The following SRPRA variants were observed in gnomAD, a reference collection of about 807,000 sequenced individuals.
SRPRA encodes the protein SRP receptor subunit alpha, also known as signal recognition particle receptor subunit alpha.
SRPRA carries 30 observed loss-of-function variants against 61.1 expected under a neutral mutation model. That is an observed-to-expected ratio of 0.49 (90% CI 0.37 to 0.67). The LOEUF is 0.67. Ranked by LOEUF, SRPRA falls within the 30% of genes least tolerant of loss-of-function variation. SRPRA has a pLI of 0.00. For synonymous variants in SRPRA, 324 were observed against 299.7 expected, an observed-to-expected ratio of 1.08 and a Z score of -0.84; for missense variants, 759 against 828.4, an observed-to-expected ratio of 0.92 and a Z score of 1.03.
chr11:126,245,534 A>T, the SRPRA span, among the ~76,000 whole-genome samples: 3 of 152,058 alleles, frequency 2.0e-5, no homozygotes, highest in Non-Finnish European at 4.4e-5. Context: ...TGTCATCAAG[A>T]AAGTGAAAAC....
chr11:126,262,650 G>A (rs1407337926), downstream of SRPRA: 1 of 152,960 alleles, frequency 6.5e-6, no homozygotes, highest in East Asian at 1.9e-4. Flanking sequence ...TCATTTACTT[G>A]CCAGGACCCT....
downstream of SRPRA, among the ~76,000 whole-genome samples, chr11:126,259,088 G>GT (rs1438448079): frequency 6.6e-6 from 1 of 152,206 alleles, no homozygotes; most frequent in East Asian, 1.9e-4. Context: ...GGTCAGCTGA[G>GT]TTTGTCATGT....
intron 1 of SRPRA, among the ~76,000 whole-genome samples, chr11:126,268,437 TAGAG>T (rs1472778736): frequency 2.0e-5 from 3 of 152,178 alleles, no homozygotes; most frequent in Middle Eastern, 3.4e-3. Flanking sequence ...TGGGGATAAA[TAGAG>T]GGAGCGGAGG....
chr11:126,261,580 C>T (rs138057573), downstream of SRPRA: 94 of 991,344 alleles, frequency 9.5e-5, no homozygotes, highest in African/African-American at 1.3e-3. Context: ...TTGGACCTCA[C>T]ATTGCCAAAT....
the SRPRA span, among the ~76,000 whole-genome samples, chr11:126,246,397 A>G: frequency 6.6e-6 from 1 of 152,206 alleles, no homozygotes; most frequent in South Asian, 2.1e-4. Context: ...TTTTGGAATC[A>G]GACTCTGCCA....
rs910552738 is a variant in SRPRA, at chr11:126,263,076, A to G, written c.*840T>C. ...ACAAGAGGTTTGTGTTCTTCAATGT[A>G]GCACTTGTCTACCAGGCACTGTAGA... is the stretch of plus-strand genomic sequence containing the variant. On this transcript the variant is annotated 3_prime_UTR_variant, in exon 14 of 14. Coordinates refer to ENST00000332118, the MANE Select transcript of SRPRA (RefSeq NM_003139.4). 2 of 152,678 alleles carry G rather than the reference A, an allele frequency of 1.3e-5. No individual in the cohort carries two copies. Among genetic ancestry groups the G allele is most frequent in the African/African-American group, 4.8e-5 (2 of 41,468 alleles). The allele number at this position is 152,678 out of a possible 1,614,324, so 9.5% of individuals were successfully genotyped here. A position where few individuals can be genotyped will look rare whatever the true frequency, so the allele number is the denominator to read the frequency against.
chr11:126,257,627 G>A, the SRPRA span, among the ~76,000 whole-genome samples: 3 of 145,718 alleles, frequency 2.1e-5, no homozygotes, highest in Non-Finnish European at 4.5e-5. Flanking sequence ...TTTTTGGTGC[G>A]TGTAGAAATG....
At chr11:126,250,233 A>G in the SRPRA span, among the ~76,000 whole-genome samples, 3 of 151,916 alleles carry the variant, frequency 2.0e-5, no homozygotes, top group East Asian at 3.9e-4. The surrounding 1 kb of genome is among the most constrained non-coding windows in gnomAD (Gnocchi z 5.1). Context: ...CTGGGACTAC[A>G]GGCGCCTGTC....
the SRPRA span, chr11:126,250,731 A>C: frequency 6.2e-7 from 1 of 1,607,322 alleles, no homozygotes; most frequent in African/African-American, 1.3e-5. The surrounding 1 kb of genome is among the most constrained non-coding windows in gnomAD (Gnocchi z 5.1). Context: ...TGATGAGAAA[A>C]AGGTAAAAAG....
Position 126,267,122 on chromosome 11 carries a change from G to A in SRPRA, c.526+53C>T, listed in dbSNP as rs1235129961. ...AAAGGAAGGACCACCTCAGTCCTTA[G>A]CACCGTGTTAACACCTTTCATGTCC... On this transcript the variant is annotated intron_variant, in intron 4 of 13. Transcript: ENST00000332118. This position sits in a 1 kb window ranked among gnomAD's most constrained non-coding sequence, Gnocchi z 4.2. 1.9e-6 allele frequency: 3 copies of A among 1,606,194 alleles called. No individual in the cohort carries two copies. The highest frequency in any genetic ancestry group is 2.7e-5 in the African/African-American group (2 of 74,518).
chr11:126,236,556 G>A, the SRPRA span, among the ~76,000 whole-genome samples: 2 of 152,112 alleles, frequency 1.3e-5, no homozygotes, highest in Non-Finnish European at 2.9e-5. Context: ...ATTTCACAGT[G>A]ATGTATCTTG....
rs774635643 is a variant in SRPRA at position 126,265,277 on chromosome 11, A to G, written c.1302T>C (p.Asn434=). The part of the protein sequence containing the change: ...CGVNGVGKST[N]LAKISFWLLE... ...GGGGAACTGCACTGACCTTGGCAAG[A>G]TTAGTAGATTTCCCCACTCCATTAA... Residue 434 remains asparagine, a synonymous_variant, in exon 10 of 14, where the codon AAT becomes AAC. Coordinates refer to ENST00000332118, the MANE Select transcript of SRPRA (RefSeq NM_003139.4). The surrounding 1 kb of genome is among the most constrained non-coding windows in gnomAD (Gnocchi z 6.3). 20 of 1,614,024 alleles carry G rather than the reference A, an allele frequency of 1.2e-5. No individual in the cohort carries two copies. Among genetic ancestry groups the G allele is most frequent in the Admixed American group, 1.7e-5 (1 of 60,004 alleles).
chr11:126,264,833 C>G lies in SRPRA; in HGVS notation c.1525+126G>C, dbSNP rs1029538224. 5 of 955,332 alleles carry G rather than the reference C, an allele frequency of 5.2e-6. No homozygotes were observed. The highest frequency in any genetic ancestry group is 2.8e-5 in the Admixed American group (1 of 35,400). 59.2% of individuals were successfully genotyped at this position (955,332 alleles called of 1,614,324 possible). On this transcript the variant is annotated intron_variant, in intron 11 of 13. Coordinates refer to ENST00000332118, the MANE Select transcript of SRPRA (RefSeq NM_003139.4). This position sits in a 1 kb window ranked among gnomAD's most constrained non-coding sequence, Gnocchi z 5.0. ...AAGCAGAGCATGGCAAGTAACTGAT[C>G]TGACTTTTTACTGTAATTGACCAAC...
chr11:126,264,833 C>T lies in SRPRA; in HGVS notation c.1525+126G>A. ...AAGCAGAGCATGGCAAGTAACTGAT[C>T]TGACTTTTTACTGTAATTGACCAAC... On this transcript the variant is annotated intron_variant, in intron 11 of 13. Coordinates refer to ENST00000332118, the MANE Select transcript of SRPRA (RefSeq NM_003139.4). The surrounding 1 kb of genome is among the most constrained non-coding windows in gnomAD (Gnocchi z 5.0). The T allele has an allele frequency of 1.0e-6, 1 of 955,450 alleles. No individual in the cohort carries two copies. The highest frequency in any genetic ancestry group is 1.5e-6 in the Non-Finnish European group (1 of 657,054). 59.2% of individuals were successfully genotyped at this position (955,450 alleles called of 1,614,324 possible).
chr11:126,266,975 G>A (rs897146485), intron 4 of SRPRA, 53 bp from the exon 5 acceptor site: 2 of 1,584,128 alleles, frequency 1.3e-6, no homozygotes, highest in Non-Finnish European at 8.6e-7. Flanking sequence ...CCAACCACTA[G>A]ACAATGGCTA....
chr11:126,267,428 G>A lies in SRPRA; in HGVS notation c.366-93C>T, dbSNP rs1308939943. 3.8e-6 allele frequency: 6 copies of A among 1,588,350 alleles called. No homozygotes were observed. In the African/African-American group the frequency reaches 5.4e-5, roughly 14 times the overall value. Reference sequence around the variant, plus strand: ...GGACTCTCACACCCAAGAGGACAATGAGAACTGGGTAGCAAATTAGGAATG... The same window carrying A: ...GGACTCTCACACCCAAGAGGACAATAAGAACTGGGTAGCAAATTAGGAATG... On this transcript the variant is annotated intron_variant, in intron 3 of 13. Coordinates refer to ENST00000332118, the MANE Select transcript of SRPRA (RefSeq NM_003139.4). The surrounding 1 kb of genome is among the most constrained non-coding windows in gnomAD (Gnocchi z 4.2).
chr11:126,248,401 G>A, the SRPRA span, among the ~76,000 whole-genome samples: 2,633 of 86,520 alleles, frequency 0.03, 36 homozygotes, highest in Non-Finnish European at 0.042. Context: ...ATGGAGTTTC[G>A]CTCTTGTTGC....
chr11:126,254,340 C>A, the SRPRA span: 1 of 1,613,586 alleles, frequency 6.2e-7, no homozygotes, highest in Non-Finnish European at 8.5e-7. Flanking sequence ...GTAAGCTGAG[C>A]GTGTTGCATA....
chr11:126,259,649 T>G, downstream of SRPRA, among the ~76,000 whole-genome samples: 1 of 151,566 alleles, frequency 6.6e-6, no homozygotes, highest in African/African-American at 2.4e-5. Flanking sequence ...ATGGTCTCGG[T>G]CTCCTGACCT....
Sources: gnomAD v4.1 joint callset for allele counts (sites outside exome capture counted in the v4.1 genomes callset) on GRCh38, gnomAD v4.1.1 for gene constraint, Gnocchi (gnomAD v3.1) non-coding constraint, MANE v1.5 for transcripts, NCBI Gene and HGNC (gene_info 2026-07-23, HGNC 2026-07-21) for gene names.